FAT3: variants seen among roughly 807,000 people sequenced by gnomAD.
The protein encoded by FAT3 is FAT atypical cadherin 3.
In FAT3, 95 loss-of-function variants were observed where a neutral mutation model predicts 310.2. The ratio of observed to expected loss-of-function variants is 0.31; its 90% confidence interval spans 0.26 to 0.36. FAT3 has a LOEUF of 0.36. Ranked by LOEUF, FAT3 falls within the 10% of genes least tolerant of loss-of-function variation. The probability of loss-of-function intolerance (pLI) is 1.00; values close to 1 mark genes in which losing one functional copy is unlikely to be tolerated. For missense variants in FAT3, 5,408 were observed against 5,715.6 expected (o/e 0.95, Z 1.74); for synonymous variants, 2,314 against 2,192.9 (o/e 1.06, Z -1.54).
At chr11:92,888,758 T>C (rs1949850617) in intron 25 of FAT3, among the ~76,000 whole-genome samples, 1 of 152,190 alleles carries the variant, frequency 6.6e-6, no homozygotes, top group Non-Finnish European at 1.5e-5. Context: ...ATCACTGGCA[T>C]TTGGTTCAGA....
At chr11:92,669,410 A>G (rs1320770145) in intron 3 of FAT3, among the ~76,000 whole-genome samples, 1 of 152,214 alleles carries the variant, frequency 6.6e-6, no homozygotes, top group Non-Finnish European at 1.5e-5. Flanking sequence ...GGAGTCCTCA[A>G]TACTCAACAG....
intron 3 of FAT3, among the ~76,000 whole-genome samples, chr11:92,599,407 A>G (rs1399820307): frequency 6.6e-6 from 1 of 152,200 alleles, no homozygotes; most frequent in African/African-American, 2.4e-5. Flanking sequence ...AACTGCCCTC[A>G]TGATTCAATG....
intron 4 of FAT3, among the ~76,000 whole-genome samples, chr11:92,739,221 C>T (rs1339050153): frequency 6.6e-6 from 1 of 152,184 alleles, no homozygotes; most frequent in Non-Finnish European, 1.5e-5. Context: ...ACTTGGACAA[C>T]AGCCATACAT....
rs944972071 is a variant in FAT3, at chr11:92,431,063, C to T, written c.3292+75659C>T. Among the ~76,000 whole-genome samples the T allele has an allele frequency of 6.0e-3, 908 of 152,264 alleles. 4 individuals carry two copies. Among genetic ancestry groups the T allele is most frequent in the Admixed American group, 9.8e-3 (150 of 15,298 alleles). On this transcript the variant is annotated intron_variant, in intron 2 of 27. Coordinates refer to ENST00000525166, the MANE Select transcript of FAT3 (RefSeq NM_001367949.2). ...GCTGGGTCAAATGTTATTTCTAGTT[C>T]TAGATCCCTGAGGAATCGCCACACT...
intron 7 of FAT3, among the ~76,000 whole-genome samples, chr11:92,784,641 C>T (rs1177366338): frequency 1.3e-5 from 2 of 152,134 alleles, no homozygotes; most frequent in African/African-American, 4.8e-5. Context: ...ATTTCAATTA[C>T]CATTTTGAAC....
intron 2 of FAT3, among the ~76,000 whole-genome samples, chr11:92,358,646 C>T (rs1206508531): frequency 1.3e-5 from 2 of 151,956 alleles, no homozygotes; most frequent in Admixed American, 1.3e-4. Context: ...GAATCTAAGC[C>T]CAAGGAGCTG....
intron 13 of FAT3, among the ~76,000 whole-genome samples, chr11:92,822,581 C>T (rs1483748446): frequency 2.0e-5 from 3 of 152,144 alleles, no homozygotes; most frequent in East Asian, 3.9e-4. Context: ...TTGACAGGCA[C>T]GATTATGTTG....
chr11:92,613,883 T>C (rs1317736935), intron 3 of FAT3, among the ~76,000 whole-genome samples: 1 of 152,194 alleles, frequency 6.6e-6, no homozygotes, highest in African/African-American at 2.4e-5. Context: ...ATTTTACCCA[T>C]TATCAGTCAC....
intron 4 of FAT3, among the ~76,000 whole-genome samples, chr11:92,711,983 A>G (rs996917228): frequency 6.6e-6 from 1 of 152,214 alleles, no homozygotes; most frequent in Non-Finnish European, 1.5e-5. Flanking sequence ...CATCTGCTTG[A>G]TGATGGATTA....
At position 92,798,099 on chromosome 11, in the gene FAT3, A is replaced by G; in HGVS notation, c.5086A>G (p.Ile1696Val). The G allele has an allele frequency of 1.2e-6, 2 of 1,613,976 alleles. No individual in the cohort carries two copies. The highest frequency in any genetic ancestry group is 2.2e-5 in the East Asian group (1 of 44,858). ...AACATCAGTCATTCTAATCTCTGCC[A>G]TCAGTCAATCTACCCTCATTTATGA... ...IGTSVILISA[I>V]SQSTLIYEVK... The change falls in exon 10 of 28, where the codon ATC (isoleucine) becomes GTC (valine). Residue 1696 changes from isoleucine to valine, a missense_variant. By Grantham distance (29) the Ile-to-Val change is conservative. Around this residue, in one of 5 missense-constraint regions of FAT3, gnomAD observed 4,588 missense variants for 4,809.8 expected, o/e 0.95. Coordinates refer to ENST00000525166, the MANE Select transcript of FAT3 (RefSeq NM_001367949.2).
chr11:92,553,350 G>T (rs1483468067), intron 3 of FAT3, among the ~76,000 whole-genome samples: 1 of 152,206 alleles, frequency 6.6e-6, no homozygotes, highest in Non-Finnish European at 1.5e-5. Context: ...AGTGCCAAAA[G>T]ATGTATCTCA....
At chr11:92,590,783 A>T (rs780374057) in intron 3 of FAT3, among the ~76,000 whole-genome samples, 74 of 152,196 alleles carry the variant, frequency 4.9e-4, no homozygotes, top group Non-Finnish European at 9.3e-4. Flanking sequence ...AAAGAAGGAG[A>T]TATGTGTAGC....
intron 7 of FAT3, among the ~76,000 whole-genome samples, chr11:92,785,308 A>AT (rs1244304764): frequency 3.3e-5 from 5 of 151,976 alleles, no homozygotes; most frequent in Middle Eastern, 3.2e-3. Context: ...TAACTAGAGG[A>AT]TTTTTTTTCT....
intron 2 of FAT3, among the ~76,000 whole-genome samples, chr11:92,443,749 G>T (rs1244857417): frequency 1.3e-5 from 2 of 152,060 alleles, no homozygotes; most frequent in African/African-American, 4.8e-5. Flanking sequence ...GAAGTGTCAT[G>T]GTGTAATGAA....
intron 3 of FAT3, among the ~76,000 whole-genome samples, chr11:92,649,913 A>ATATATG (rs1316435933): frequency 1.8e-5 from 2 of 112,468 alleles, no homozygotes; most frequent in African/African-American, 6.8e-5. Context: ...ATATATATAT[A>ATATATG]TATGCACCTT....
At chr11:92,831,339 C>G (rs1948242210) in intron 13 of FAT3, among the ~76,000 whole-genome samples, 1 of 152,162 alleles carries the variant, frequency 6.6e-6, no homozygotes, top group Non-Finnish European at 1.5e-5. Context: ...ATTAGCCTCA[C>G]AGTTTTTCTT....
intron 3 of FAT3, among the ~76,000 whole-genome samples, chr11:92,694,833 A>T (rs975765620): frequency 4.6e-5 from 7 of 152,184 alleles, no homozygotes; most frequent in Non-Finnish European, 7.4e-5. Context: ...GCCCACACAC[A>T]GGAGAGGGGA....
rs1171423992 is a variant in FAT3 at position 92,340,958 on chromosome 11, A to T, written c.-17-11138A>T. Among the ~76,000 whole-genome samples, 4 of 152,244 alleles carry T rather than the reference A, an allele frequency of 2.6e-5. No individual in the cohort carries two copies. The East Asian group carries it at 7.8e-4, about 30-fold the overall frequency. On this transcript the variant is annotated intron_variant, in intron 1 of 27. Transcript: ENST00000525166. Reference sequence around the variant, plus strand: ...TCCGGAAGACTAGTTTTCTCTTAGGATGAGCTCCATCACCTGGCTTTGTCT... The same window carrying T: ...TCCGGAAGACTAGTTTTCTCTTAGGTTGAGCTCCATCACCTGGCTTTGTCT...
chr11:92,385,030 T>C (rs80088282), intron 2 of FAT3, among the ~76,000 whole-genome samples: 3,838 of 152,260 alleles, frequency 0.025, 180 homozygotes, highest in African/African-American at 0.088. Context: ...AGCTCCTGAC[T>C]GCACAGCACA....
Sources: allele counts gnomAD v4.1 joint callset (sites outside exome capture counted in the v4.1 genomes callset), GRCh38; gene constraint gnomAD v4.1.1; regional missense constraint gnomAD v4.1.1; transcripts MANE v1.5; gene names NCBI Gene and HGNC (gene_info 2026-07-23, HGNC 2026-07-21).